The following WWOX variants were observed in gnomAD, a reference collection of about 807,000 sequenced individuals.
WWOX encodes WW domain-containing oxidoreductase.
WWOX carries 69 observed loss-of-function variants against 46.2 expected under a neutral mutation model. The ratio of observed to expected loss-of-function variants is 1.49; its 90% CI spans 1.23 to 1.82. The LOEUF is 1.82. WWOX is among the 40% of genes most tolerant of loss of function. The pLI is 0.00. For synonymous variants in WWOX, 359 were observed against 202.6 expected (o/e 1.77, Z -6.56); for missense variants, 919 against 542.6 (o/e 1.69, Z -6.89).
chr16:78,195,769 C>G (rs2036028841), intron 5 of WWOX, among the ~76,000 whole-genome samples: 1 of 137,446 alleles, frequency 7.3e-6, no homozygotes, highest in African/African-American at 2.7e-5. Context: ...TTGGCGTGAG[C>G]TGAGATCGCA....
chr16:79,207,535 C>T (rs958110013), intron 8 of WWOX, among the ~76,000 whole-genome samples: 1 of 152,236 alleles, frequency 6.6e-6, no homozygotes, highest in South Asian at 2.1e-4. Context: ...TGTGCAATGT[C>T]CCTGTAAGAA....
At chr16:78,204,781 G>A (rs536107339) in intron 5 of WWOX, among the ~76,000 whole-genome samples, 2 of 152,260 alleles carry the variant, frequency 1.3e-5, no homozygotes, top group Admixed American at 1.3e-4. Flanking sequence ...GGGGAGGAGA[G>A]AAAAGATGAG....
intron 8 of WWOX, among the ~76,000 whole-genome samples, chr16:78,911,863 C>G (rs1425036268): frequency 2.0e-5 from 3 of 152,110 alleles, no homozygotes; most frequent in Admixed American, 6.5e-5. Context: ...AGGACTCCAT[C>G]TCAAAAAGAA....
intron 8 of WWOX, among the ~76,000 whole-genome samples, chr16:78,787,850 G>T (rs188468453): frequency 9.2e-5 from 14 of 152,168 alleles, no homozygotes; most frequent in African/African-American, 3.4e-4. Context: ...TTCTTTGAAG[G>T]TATGAAATTG....
At chr16:78,643,142 C>A (rs1197482153) in intron 8 of WWOX, among the ~76,000 whole-genome samples, 2 of 152,158 alleles carry the variant, frequency 1.3e-5, no homozygotes, top group African/African-American at 4.8e-5. Context: ...GCTATCCAGA[C>A]CCAAGAGGAT....
In WWOX at chr16:78,661,070, A is replaced by T. The variant is rs114642919; in HGVS notation, c.1056+228318A>T. Reference sequence around the variant, plus strand: ...GCATGTATATTTGGTCTGCTTGAGCAAGGATATTGGGAGGGAGGATTTCCA... The same window carrying T: ...GCATGTATATTTGGTCTGCTTGAGCTAGGATATTGGGAGGGAGGATTTCCA... On this transcript the variant is annotated intron_variant, in intron 8 of 8. Coordinates refer to ENST00000566780, the MANE Select transcript of WWOX (RefSeq NM_016373.4). 5.1e-3 allele frequency among the ~76,000 whole-genome samples: 772 copies of T among 152,310 alleles called. 5 individuals are homozygous for T. The highest frequency in any genetic ancestry group is 0.018 in the African/African-American group (744 of 41,566).
intron 8 of WWOX, among the ~76,000 whole-genome samples, chr16:78,997,701 C>T (rs183275915): frequency 1.3e-5 from 2 of 152,144 alleles, no homozygotes; most frequent in Admixed American, 6.5e-5. Flanking sequence ...CCCTCCTACC[C>T]CTCTTTCTTT....
At chr16:78,527,494 A>G (rs539567724) in intron 8 of WWOX, among the ~76,000 whole-genome samples, 1 of 152,040 alleles carries the variant, frequency 6.6e-6, no homozygotes, top group East Asian at 1.9e-4. Flanking sequence ...GAGTTTCGCC[A>G]TGTTGGCCAG....
In WWOX at chr16:78,481,645, A is replaced by AAAGAT. The variant is rs79950393; in HGVS notation, c.1056+48894_1056+48895insAGATA. Among the ~76,000 whole-genome samples the AAAGAT allele has an allele frequency of 8.2e-3, 1,215 of 148,818 alleles. 22 individuals carry two copies. The highest frequency in any genetic ancestry group is 9.2e-3 in the Non-Finnish European group (617 of 67,390). ...AGTTGATGGAATTGTGAAAAAAAAA[A>AAAGAT]AGAATGTTTTCCCAACAATTTGGCT... On this transcript the variant is annotated intron_variant, in intron 8 of 8. Transcript: ENST00000566780.
chr16:78,701,948 G>A (rs1211315469), intron 8 of WWOX, among the ~76,000 whole-genome samples: 1 of 144,720 alleles, frequency 6.9e-6, no homozygotes, highest in African/African-American at 2.6e-5. Flanking sequence ...ACACTGGGAG[G>A]CCGAGATGGG....
chr16:78,188,884 T>A (rs1054603696), intron 5 of WWOX, among the ~76,000 whole-genome samples: 1 of 152,154 alleles, frequency 6.6e-6, no homozygotes, highest in African/African-American at 2.4e-5. Context: ...TGCATTTGAC[T>A]AACAGAAAAG....
At chr16:78,578,448 C>A (rs1481767062) in intron 8 of WWOX, among the ~76,000 whole-genome samples, 1 of 150,646 alleles carries the variant, frequency 6.6e-6, no homozygotes, top group African/African-American at 2.4e-5. Context: ...CACCACCATG[C>A]CTGGCTAATT....
At chr16:78,869,764 T>A (rs2737285) in intron 8 of WWOX, among the ~76,000 whole-genome samples, 41 of 151,946 alleles carry the variant, frequency 2.7e-4, no homozygotes, top group Non-Finnish European at 5.6e-4. Flanking sequence ...TAAGTCTTGC[T>A]CGCAGATAGC....
At chr16:79,012,688 C>G (rs1047701556) in intron 8 of WWOX, among the ~76,000 whole-genome samples, 3 of 152,276 alleles carry the variant, frequency 2.0e-5, no homozygotes, top group African/African-American at 7.2e-5. Flanking sequence ...AATGAATAGT[C>G]TATGGAAAGG....
At chr16:78,980,412 C>G (rs2046658120) in intron 8 of WWOX, among the ~76,000 whole-genome samples, 1 of 152,038 alleles carries the variant, frequency 6.6e-6, no homozygotes, top group Non-Finnish European at 1.5e-5. Flanking sequence ...TGGCTGTAAC[C>G]AAGTCTACAC....
intron 8 of WWOX, among the ~76,000 whole-genome samples, chr16:78,599,232 T>A (rs2045564989): frequency 6.6e-6 from 1 of 152,180 alleles, no homozygotes; most frequent in African/African-American, 2.4e-5. Context: ...ACATTTTCCT[T>A]TTGAGAAAGA....
intron 5 of WWOX, among the ~76,000 whole-genome samples, chr16:78,164,876 T>G (rs958776105): frequency 6.6e-6 from 1 of 151,922 alleles, no homozygotes; most frequent in Non-Finnish European, 1.5e-5. Context: ...CAGAGGAAGG[T>G]GGGGGGAATG....
At chr16:78,528,123 C>T (rs1267101492) in intron 8 of WWOX, among the ~76,000 whole-genome samples, 12 of 143,316 alleles carry the variant, frequency 8.4e-5, no homozygotes, top group East Asian at 6.1e-4. Context: ...CTCAGCCTCC[C>T]GAGTAGCTGG....
At chr16:78,315,342 T>G (rs1456391940) in intron 5 of WWOX, among the ~76,000 whole-genome samples, 3 of 152,142 alleles carry the variant, frequency 2.0e-5, no homozygotes, top group African/African-American at 7.2e-5. Context: ...TGTAGTTTGA[T>G]ATGATAAAAA....
Sources: gnomAD v4.1 joint callset for allele counts (sites outside exome capture counted in the v4.1 genomes callset) on GRCh38, gnomAD v4.1.1 for gene constraint, MANE v1.5 for transcripts, NCBI Gene and HGNC (gene_info 2026-07-23, HGNC 2026-07-21) for gene names.